Variants in DMD observed in about 807,000 individuals in gnomAD.
DMD encodes the protein dystrophin, also known as mutant dystrophin.
A neutral mutation model predicts 330.1 loss-of-function variants in DMD; 63 were observed. The observed-to-expected ratio is 0.19, with a 90% confidence interval of 0.16 to 0.24. The LOEUF (loss-of-function observed/expected upper bound fraction) is 0.24, where lower values mean the gene tolerates loss of function less well. Among genes scored for constraint, DMD ranks in the 10% least tolerant of loss-of-function variants. The probability of loss-of-function intolerance (pLI) is 1.00; values close to 1 mark genes in which losing one functional copy is unlikely to be tolerated. For missense variants in DMD, 3,344 were observed against 2,684.1 expected (o/e 1.25, Z -5.43); for synonymous variants, 1,223 against 959.8 (o/e 1.27, Z -5.07).
chrX:31,401,281 T>A (rs2061179813), intron 60 of DMD, among the ~76,000 whole-genome samples: 1 of 112,095 alleles, frequency 8.9e-6, no homozygotes, highest in Non-Finnish European at 1.9e-5. Context: ...TAAGGTTTCC[T>A]GTTGCTTTAA....
intron 67 of DMD, among the ~76,000 whole-genome samples, chrX:31,194,105 G>A (rs1235278491): frequency 1.8e-5 from 2 of 110,920 alleles, no homozygotes; most frequent in East Asian, 2.8e-4. Flanking sequence ...ACATGAACTC[G>A]GGAAGCAGAG....
At chrX:33,060,714 G>A (rs1603173261) in intron 1 of DMD, among the ~76,000 whole-genome samples, 1 of 109,407 alleles carries the variant, frequency 9.1e-6, no homozygotes, top group East Asian at 2.9e-4. Flanking sequence ...GCATGCACTT[G>A]TAATCCCAGC....
At chrX:32,358,167 C>T (rs183447504) in intron 37 of DMD, among the ~76,000 whole-genome samples, 1 of 111,138 alleles carries the variant, frequency 9.0e-6, no homozygotes, top group Non-Finnish European at 1.9e-5. Context: ...TTTAGATATA[C>T]CTCAACTAGC....
intron 63 of DMD, among the ~76,000 whole-genome samples, chrX:31,224,448 T>G (rs1296396441): frequency 2.7e-5 from 3 of 111,987 alleles, no homozygotes; most frequent in Non-Finnish European, 5.6e-5. Flanking sequence ...AAACAATGTC[T>G]GTAATTTAAA....
intron 1 of DMD, among the ~76,000 whole-genome samples, chrX:33,097,113 A>G (rs900428530): frequency 9.0e-6 from 1 of 111,591 alleles, no homozygotes; most frequent in Non-Finnish European, 1.9e-5. Flanking sequence ...CTTATTTAAC[A>G]GTTGAGAGAA....
chrX:32,551,519 A>G (rs1389730470), intron 16 of DMD, among the ~76,000 whole-genome samples: 1 of 111,964 alleles, frequency 8.9e-6, no homozygotes, highest in African/African-American at 3.2e-5. Flanking sequence ...TAAAAAGTCC[A>G]CAGCCAACAT....
chrX:32,846,254 C>A (rs1388336747), intron 3 of DMD, among the ~76,000 whole-genome samples: 1 of 111,818 alleles, frequency 8.9e-6, no homozygotes, highest in Non-Finnish European at 1.9e-5. Flanking sequence ...TATAGATTAC[C>A]ATATAACTAA....
At chrX:33,291,760 T>C (rs1182445924) in intron 1 of DMD, among the ~76,000 whole-genome samples, 2 of 111,197 alleles carry the variant, frequency 1.8e-5, no homozygotes, top group Non-Finnish European at 3.8e-5. Context: ...ATATATTGTT[T>C]TGTAACTCAC....
chrX:32,663,100 A>T (rs1417084690), intron 9 of DMD, among the ~76,000 whole-genome samples: 1 of 111,945 alleles, frequency 8.9e-6, no homozygotes, highest in Non-Finnish European at 1.9e-5. Flanking sequence ...CAAATTTGCA[A>T]AGGAAGATTG....
At chrX:33,065,676 T>C (rs1002778332) in intron 1 of DMD, among the ~76,000 whole-genome samples, 1 of 112,495 alleles carries the variant, frequency 8.9e-6, no homozygotes, top group African/African-American at 3.2e-5. Context: ...TGGAAGCCCA[T>C]TGTTCATAAC....
At chrX:33,216,277 A>C (rs1476710619), upstream of DMD, among the ~76,000 whole-genome samples, 1 of 111,860 alleles carries the variant, frequency 8.9e-6, no homozygotes, top group Non-Finnish European at 1.9e-5. Context: ...AAAAAGAATG[A>C]AATCATGTAC....
intron 43 of DMD, among the ~76,000 whole-genome samples, chrX:32,248,133 C>T (rs373287838): frequency 1.8e-5 from 2 of 111,395 alleles, no homozygotes; most frequent in Non-Finnish European, 3.8e-5. Context: ...AATGATGCTA[C>T]GAAGAAAGAT....
intron 2 of DMD, among the ~76,000 whole-genome samples, chrX:32,910,757 T>A (rs73466810): frequency 4.1e-4 from 46 of 112,276 alleles, no homozygotes; most frequent in African/African-American, 1.5e-3. Context: ...CACACTTTCT[T>A]AGAAAGTTTC....
At chrX:32,135,260 A>G (rs914484040) in intron 44 of DMD, among the ~76,000 whole-genome samples, 3 of 112,648 alleles carry the variant, frequency 2.7e-5, no homozygotes, top group African/African-American at 9.7e-5. Context: ...TTTTATGGAA[A>G]GTTCTCTGAG....
At chrX:32,396,515 G>A (rs1436210118) in intron 30 of DMD, among the ~76,000 whole-genome samples, 3 of 110,945 alleles carry the variant, frequency 2.7e-5, no homozygotes, top group African/African-American at 9.8e-5. Flanking sequence ...AATTGAAGAT[G>A]AACATGTGTC....
At chrX:32,095,115 T>C (rs190075220) in intron 44 of DMD, among the ~76,000 whole-genome samples, 10 of 111,828 alleles carry the variant, frequency 8.9e-5, no homozygotes, top group African/African-American at 3.2e-4. Flanking sequence ...TTGGAGATTA[T>C]TCCTCCTTCC....
chrX:31,664,052 C>T (rs1377123087), intron 53 of DMD, among the ~76,000 whole-genome samples: 1 of 111,846 alleles, frequency 8.9e-6, no homozygotes, highest in African/African-American at 3.3e-5. Context: ...CGAAAGACAG[C>T]ATGCCCTTGA....
At chrX:32,558,946 T>C (rs1181205958) in intron 16 of DMD, among the ~76,000 whole-genome samples, 2 of 40,484 alleles carry the variant, frequency 4.9e-5, no homozygotes, top group African/African-American at 7.4e-5. Flanking sequence ...TTCTTTTTTT[T>C]TTTTTTTTTT....
chrX:33,304,752 C>G (rs1218943656), intron 1 of DMD, among the ~76,000 whole-genome samples: 26 of 99,916 alleles, frequency 2.6e-4, no homozygotes, highest in African/African-American at 4.0e-4. Flanking sequence ...AAAAAGTGGG[C>G]GAAGGACATG....
Sources: allele counts gnomAD v4.1 joint callset (sites outside exome capture counted in the v4.1 genomes callset), GRCh38; gene constraint gnomAD v4.1.1; transcripts MANE v1.5; gene names NCBI Gene and HGNC (gene_info 2026-07-23, HGNC 2026-07-21).